DPY19L1: variants seen among roughly 807,000 people sequenced by gnomAD.
The protein encoded by DPY19L1 is protein C-mannosyl-transferase DPY19L1.
A neutral mutation model predicts 96.9 loss-of-function variants in DPY19L1; 35 were observed. That is an observed-to-expected ratio of 0.36 (90% CI 0.28 to 0.48). The LOEUF (loss-of-function observed/expected upper bound fraction) is 0.48. Among genes scored for constraint, DPY19L1 ranks in the 20% least tolerant of loss-of-function variants. The probability of loss-of-function intolerance (pLI) is 0.99; values close to 1 mark genes in which losing one functional copy is unlikely to be tolerated. For synonymous variants in DPY19L1, 205 were observed against 252.6 expected (o/e 0.81, Z 1.79); for missense variants, 521 against 777.9 (o/e 0.67, Z 3.93).
chr7:34,968,970 A>G (rs150838498), intron 9 of DPY19L1, among the ~76,000 whole-genome samples: 3 of 152,212 alleles, frequency 2.0e-5, no homozygotes, highest in East Asian at 3.9e-4. Flanking sequence ...AGAGAATTTT[A>G]TAAGAGATGA....
chr7:34,968,596 C>G (rs917012960), intron 9 of DPY19L1, among the ~76,000 whole-genome samples: 10 of 151,720 alleles, frequency 6.6e-5, no homozygotes, highest in African/African-American at 2.4e-4. Flanking sequence ...CGGTGAAACC[C>G]CGTCTCTACT....
Position 34,954,697 on chromosome 7 carries a change from C to G in DPY19L1, c.1320+1G>C. On this transcript the variant is annotated splice_donor_variant, in intron 13 of 21. Coordinates refer to ENST00000638088, the MANE Select transcript of DPY19L1 (RefSeq NM_001366673.1). LOFTEE classifies it high-confidence loss of function. ...CAAATTTAAGTAAAAAATGCACTTACGTCATCTGCAATACCAAAAATTTTA... is the reference window on the plus strand; with the variant it reads ...CAAATTTAAGTAAAAAATGCACTTAGGTCATCTGCAATACCAAAAATTTTA... 1 of 1,524,170 alleles carries G rather than the reference C, an allele frequency of 6.6e-7. No individual in the cohort carries two copies. The highest frequency in any genetic ancestry group is 9.0e-7 in the Non-Finnish European group (1 of 1,112,894). The allele number at this position is 1,524,170 out of a possible 1,614,324, so 94.4% of individuals were successfully genotyped here. A position where few individuals can be genotyped will look rare whatever the true frequency, so the allele number is the denominator to read the frequency against.
chr7:34,955,820 T>C (rs1784366928), intron 11 of DPY19L1, among the ~76,000 whole-genome samples: 2 of 152,152 alleles, frequency 1.3e-5, no homozygotes, highest in Admixed American at 1.3e-4. Context: ...CCAAACTGTA[T>C]TACCCTTGGG....
intron 1 of DPY19L1, among the ~76,000 whole-genome samples, chr7:35,035,214 G>A (rs1786362944): frequency 6.6e-6 from 1 of 152,184 alleles, no homozygotes. Flanking sequence ...CCATATATCT[G>A]ATGGCCATGG....
intron 1 of DPY19L1, among the ~76,000 whole-genome samples, chr7:35,033,501 C>T (rs759532411): frequency 3.8e-4 from 58 of 152,264 alleles, no homozygotes; most frequent in Admixed American, 1.2e-3. Context: ...ACTTACTGTG[C>T]TATTTTACAT....
At chr7:34,948,454 C>T (rs894289964) in intron 14 of DPY19L1, among the ~76,000 whole-genome samples, 4 of 152,166 alleles carry the variant, frequency 2.6e-5, no homozygotes, top group African/African-American at 9.7e-5. Flanking sequence ...AACATATGTT[C>T]CCTGAACTGA....
At chr7:34,969,946 T>C (rs1350252934) in intron 8 of DPY19L1, among the ~76,000 whole-genome samples, 1 of 152,150 alleles carries the variant, frequency 6.6e-6, no homozygotes, top group Non-Finnish European at 1.5e-5. Context: ...GAATAAGAGG[T>C]AAGCGGCTGA....
intron 1 of DPY19L1, among the ~76,000 whole-genome samples, chr7:35,023,904 C>T (rs1407057310): frequency 7.4e-6 from 1 of 135,212 alleles, no homozygotes; most frequent in East Asian, 2.1e-4. Context: ...GGCTTGATCT[C>T]GGCTCACTGC....
intron 1 of DPY19L1, among the ~76,000 whole-genome samples, chr7:35,024,132 G>A (rs1222864944): frequency 1.3e-5 from 2 of 151,970 alleles, no homozygotes; most frequent in Non-Finnish European, 2.9e-5. Flanking sequence ...CACCGCACCC[G>A]GCCGAAGAAA....
intron 9 of DPY19L1, 46 bp from the exon 10 acceptor site, chr7:34,967,017 G>C: frequency 7.3e-7 from 1 of 1,368,808 alleles, no homozygotes; most frequent in Non-Finnish European, 9.9e-7. Flanking sequence ...AAAATGAATA[G>C]CTACAAGAAT....
At chr7:35,032,030 A>G (rs1233709457) in intron 1 of DPY19L1, among the ~76,000 whole-genome samples, 2 of 152,136 alleles carry the variant, frequency 1.3e-5, no homozygotes, top group Non-Finnish European at 1.5e-5. Context: ...ATGCTTCCTT[A>G]GCTTTTCTTG....
chr7:35,010,542 G>C lies in DPY19L1; in HGVS notation c.690C>G (p.Cys230Trp), dbSNP rs777283981. The C allele has an allele frequency of 6.2e-7, 1 of 1,609,598 alleles. No homozygotes were observed. Among genetic ancestry groups the C allele is most frequent in the East Asian group, 2.2e-5 (1 of 44,724 alleles). ...AAATAAAAATTACAGCAACATAAAA[G>C]CAAGCAGGATCTCCCAATCCTTTAA... ...ESCEGLGDPA[C>W]FYVAVIFILN... is the part of the protein sequence containing the mutation. Residue 230 changes from cysteine to tryptophan, a missense_variant, in exon 6 of 22, where the codon TGC becomes TGG. Coordinates refer to ENST00000638088, the MANE Select transcript of DPY19L1 (RefSeq NM_001366673.1).
At position 34,940,175 on chromosome 7, in the gene DPY19L1, C is replaced by A. The variant is rs1203465017; in HGVS notation, c.1842G>T (p.Trp614Cys). Reference sequence around the variant, plus strand: ...TACCTGGTTTAGTACTATATTTGATCCATTCTATAAGTTCTTCTTGGGGCA... The same window carrying A: ...TACCTGGTTTAGTACTATATTTGATACATTCTATAAGTTCTTCTTGGGGCA... ...SNLPQEELIE[W>C]IKYSTKPDAV... is the part of the protein sequence containing the mutation. The change falls in exon 19 of 22, where the codon TGG becomes TGT. Residue 614 changes from tryptophan (W) to cysteine (C), a missense_variant. Transcript: ENST00000638088. 1 of 1,557,700 alleles carries A rather than the reference C, an allele frequency of 6.4e-7. No individual in the cohort carries two copies. Among genetic ancestry groups the A allele is most frequent in the Non-Finnish European group, 8.7e-7 (1 of 1,154,894 alleles).
rs142185223 is a variant in DPY19L1 at position 34,977,584 on chromosome 7, C to T, written c.823-3979G>A. On this transcript the variant is annotated intron_variant, in intron 7 of 21. Coordinates refer to ENST00000638088, the MANE Select transcript of DPY19L1 (RefSeq NM_001366673.1). ...TTCTATTGTTTCTCCAATAACACAACGTGTTTTACTAGGTCTGGTACAAAC... is the reference window on the plus strand; with the variant it reads ...TTCTATTGTTTCTCCAATAACACAATGTGTTTTACTAGGTCTGGTACAAAC... Among the ~76,000 whole-genome samples, 1,042 of 152,266 alleles carry T rather than the reference C, an allele frequency of 6.8e-3. 13 individuals carry two copies. The highest frequency in any genetic ancestry group is 0.024 in the African/African-American group (994 of 41,546).
chr7:34,969,055 A>G (rs1784671268), intron 9 of DPY19L1, among the ~76,000 whole-genome samples: 2 of 152,108 alleles, frequency 1.3e-5, no homozygotes, highest in African/African-American at 2.4e-5. Context: ...TATTCATAAA[A>G]GAAACATTTT....
intron 1 of DPY19L1, among the ~76,000 whole-genome samples, chr7:35,020,593 ATTG>A (rs1337823014): frequency 2.0e-5 from 3 of 152,122 alleles, no homozygotes; most frequent in Admixed American, 1.3e-4. Flanking sequence ...ATTATTGGAT[ATTG>A]TTAAGGCATT....
intron 7 of DPY19L1, among the ~76,000 whole-genome samples, chr7:34,980,042 C>T (rs1784907299): frequency 6.6e-6 from 1 of 152,088 alleles, no homozygotes; most frequent in Admixed American, 6.5e-5. Context: ...CAGTGTGATA[C>T]TGGCTTGAAG....
At chr7:34,990,921 G>A (rs1411257047) in intron 6 of DPY19L1, among the ~76,000 whole-genome samples, 2 of 152,166 alleles carry the variant, frequency 1.3e-5, no homozygotes, top group African/African-American at 4.8e-5. Context: ...GGCATCAAAG[G>A]CCTTGTATTT....
chr7:34,932,276 A>AT (rs1562796384), intron 21 of DPY19L1, among the ~76,000 whole-genome samples: 1 of 152,236 alleles, frequency 6.6e-6, no homozygotes, highest in Non-Finnish European at 1.5e-5. Flanking sequence ...TAAACCCATC[A>AT]TAAGTTGAAA....
Sources: gnomAD v4.1 joint callset for allele counts (sites outside exome capture counted in the v4.1 genomes callset) on GRCh38, gnomAD v4.1.1 for gene constraint, MANE v1.5 for transcripts, NCBI Gene and HGNC (gene_info 2026-07-23, HGNC 2026-07-21) for gene names.